EVC2: variants seen among roughly 807,000 people sequenced by gnomAD.
The protein encoded by EVC2 is limbin.
In EVC2, 148 loss-of-function variants were observed where a neutral mutation model predicts 149.3. The observed-to-expected ratio is 0.99, with a 90% CI of 0.87 to 1.14. The LOEUF is 1.14. Among genes scored for constraint, EVC2 ranks in the 50% most tolerant of loss-of-function variants. The pLI, the probability that EVC2 is intolerant of heterozygous loss-of-function variation, is 0.00. For missense variants in EVC2, 1,854 were observed against 1,627.3 expected (o/e 1.14, Z -2.40); for synonymous variants, 776 against 649.9 (o/e 1.19, Z -2.95).
downstream of EVC2, among the ~76,000 whole-genome samples, chr4:5,559,484 G>C (rs1026276244): frequency 2.6e-5 from 4 of 152,124 alleles, no homozygotes; most frequent in African/African-American, 9.7e-5. This position sits in a 1 kb window ranked among gnomAD's most constrained non-coding sequence, Gnocchi z 5.0. Flanking sequence ...CCAACAAAAG[G>C]AATCAGACTC....
At chr4:5,575,578 C>T (rs1722876726) in intron 18 of EVC2, among the ~76,000 whole-genome samples, 1 of 152,178 alleles carries the variant, frequency 6.6e-6, no homozygotes. Context: ...TTCCAATTAG[C>T]GTGTGCGTGT....
At chr4:5,599,718 TAATAA>T (rs140667264) in intron 16 of EVC2, among the ~76,000 whole-genome samples, 3,214 of 152,208 alleles carry the variant, frequency 0.021, 92 homozygotes, top group African/African-American at 0.074. Flanking sequence ...ACTTAAAGCA[TAATAA>T]AATAAAATAA....
intron 9 of EVC2, among the ~76,000 whole-genome samples, chr4:5,662,468 T>TAATATAATATTA (rs1465987340): frequency 1.4e-5 from 2 of 144,572 alleles, no homozygotes; most frequent in African/African-American, 5.1e-5. Context: ...TAATTATTAT[T>TAATATAATATTA]AATATAATAT....
intron 21 of EVC2, among the ~76,000 whole-genome samples, chr4:5,544,916 CTG>C (rs1560115817): frequency 2.6e-5 from 4 of 152,214 alleles, no homozygotes; most frequent in Admixed American, 6.5e-5. Flanking sequence ...CTCCTCACTC[CTG>C]TCTCTCCAGC....
At position 5,618,489 on chromosome 4, in the gene EVC2, G is replaced by A. The variant is rs770322843; in HGVS notation, c.2695C>T (p.Pro899Ser). The A allele has an allele frequency of 1.8e-5, 29 of 1,613,022 alleles. No individual in the cohort carries two copies. The highest frequency in any genetic ancestry group is 6.7e-5 in the Admixed American group (4 of 60,030). ...CAGGTCCATCCTACCTGCAGCTCAG[G>A]GGCAGCCACGGCCTGGTCCAGCTTC... ...FVKLDQAVAA[P>S]ELQQQSKVRK... Residue 899 changes from proline to serine, a missense_variant, in exon 15 of 22, where the codon CCT becomes TCT. By Grantham distance (74) the Pro-to-Ser change is moderately conservative. Transcript: ENST00000344408. This position sits in a 1 kb window ranked among gnomAD's most constrained non-coding sequence, Gnocchi z 4.4.
At chr4:5,639,040 GC>G (rs2108861217) in intron 10 of EVC2, among the ~76,000 whole-genome samples, 1 of 152,282 alleles carries the variant, frequency 6.6e-6, no homozygotes, top group Non-Finnish European at 1.5e-5. Context: ...GGCAAGGGAG[GC>G]CCCAGGAGCA....
rs1006561208 is a variant in EVC2 at position 5,614,870 on chromosome 4, G to C, written c.2829+552C>G. ...TGGGTGCCTGTAATCCCAGCTACTC[G>C]GAAGGGTGAGGCAGAAGAATCACTT... On this transcript the variant is annotated intron_variant, in intron 16 of 21. Transcript: ENST00000344408. This position sits in a 1 kb window ranked among gnomAD's most constrained non-coding sequence, Gnocchi z 4.7. 2.6e-5 allele frequency among the ~76,000 whole-genome samples: 4 copies of C among 152,042 alleles called. No individual in the cohort carries two copies. The highest frequency in any genetic ancestry group is 5.9e-5 in the Non-Finnish European group (4 of 68,020).
At position 5,643,616 on chromosome 4, in the gene EVC2, T is replaced by C. The variant is rs1034643042; in HGVS notation, c.1146-2778A>G. Among the ~76,000 whole-genome samples, 4 of 152,228 alleles carry C rather than the reference T, an allele frequency of 2.6e-5. No individual in the cohort carries two copies. In the South Asian group the frequency reaches 8.3e-4, roughly 32 times the overall value. Reference sequence around the variant, plus strand: ...AGTGCGACTACCTACACTGTCATTATTACATATAAAATATTTAAAACAGGC... The same window carrying C: ...AGTGCGACTACCTACACTGTCATTACTACATATAAAATATTTAAAACAGGC... On this transcript the variant is annotated intron_variant, in intron 9 of 21. Transcript: ENST00000344408.
rs1715093644 is a variant in EVC2 at position 5,614,571 on chromosome 4, C to T, written c.2829+851G>A. On this transcript the variant is annotated intron_variant, in intron 16 of 21. Coordinates refer to ENST00000344408, the MANE Select transcript of EVC2 (RefSeq NM_147127.5). This position sits in a 1 kb window ranked among gnomAD's most constrained non-coding sequence, Gnocchi z 4.7. The stretch of plus-strand genomic sequence containing the variant: ...AGGGAACACCTCAGGACAGCAAGGA[C>T]ACAAGTTATTTATCCAGGTAAATAG... Among the ~76,000 whole-genome samples, 1 of 152,162 alleles carries T rather than the reference C, an allele frequency of 6.6e-6. No homozygotes were observed. Among genetic ancestry groups the T allele is most frequent in the South Asian group, 2.1e-4 (1 of 4,816 alleles).
chr4:5,663,212 G>A lies in EVC2; in HGVS notation c.1040C>T (p.Pro347Leu), dbSNP rs199708349. 1,125 of 1,614,118 alleles carry A rather than the reference G, an allele frequency of 7.0e-4. 21 individuals are homozygous for A. In the South Asian group the frequency reaches 0.011, roughly 16 times the overall value. ...WQYESKLEPL[P>L]FTSADGVNED... is the part of the protein sequence containing the mutation. ...ATTCACGCCATCAGCTGAGGTGAAC[G>A]GCAAGGGTTCCAGCTTGCTCTCATA... The change falls in exon 9 of 22, where the codon CCG becomes CTG. Residue 347 changes from proline (P) to leucine (L), a missense_variant. Pro to Leu is a moderately conservative substitution (Grantham distance 98). Transcript: ENST00000344408.
At chr4:5,541,316 G>C (rs912109050), downstream of EVC2, among the ~76,000 whole-genome samples, 1 of 152,052 alleles carries the variant, frequency 6.6e-6, no homozygotes, top group Non-Finnish European at 1.5e-5. Flanking sequence ...ACAGTCCAGC[G>C]CCAGGCTGCA....
chr4:5,640,508 T>C lies in EVC2; in HGVS notation c.1470+6A>G, dbSNP rs1181688094. ...AGTGAACGCCTTCCTTTCAGACCTG[T>C]CTTACCCTCTCACCAGCACGTTTCA... On this transcript the variant is annotated splice_donor_region_variant and intron_variant, in intron 10 of 21. Coordinates refer to ENST00000344408, the MANE Select transcript of EVC2 (RefSeq NM_147127.5). The surrounding 1 kb of genome is among the most constrained non-coding windows in gnomAD (Gnocchi z 4.6). 7 of 1,614,058 alleles carry C rather than the reference T, an allele frequency of 4.3e-6. No homozygotes were observed. Among genetic ancestry groups the C allele is most frequent in the Non-Finnish European group, 2.5e-6 (3 of 1,179,986 alleles).
At chr4:5,628,278 G>C (rs1409040971) in intron 12 of EVC2, among the ~76,000 whole-genome samples, 1 of 151,814 alleles carries the variant, frequency 6.6e-6, no homozygotes, top group Non-Finnish European at 1.5e-5. Context: ...GGTCATGAGG[G>C]ATCCACCCTC....
Position 5,689,344 on chromosome 4 carries a change from C to T in EVC2, c.520-1G>A. 1 of 1,614,026 alleles carries T rather than the reference C, an allele frequency of 6.2e-7. No individual in the cohort carries two copies. Among genetic ancestry groups the T allele is most frequent in the Non-Finnish European group, 8.5e-7 (1 of 1,180,022 alleles). On this transcript the variant is annotated splice_acceptor_variant, in intron 4 of 21. Transcript: ENST00000344408. LOFTEE classifies it high-confidence loss of function. ...TCTGTGCTTCACTCGACCCAGACACCTAGGGCAGAAGGAGAAGGCATGAGG... is the reference window on the plus strand; with the variant it reads ...TCTGTGCTTCACTCGACCCAGACACTTAGGGCAGAAGGAGAAGGCATGAGG...
At chr4:5,623,184 G>A (rs1283762171) in intron 13 of EVC2, among the ~76,000 whole-genome samples, 193 bp from the exon 14 acceptor site, 1 of 152,174 alleles carries the variant, frequency 6.6e-6, no homozygotes, top group Non-Finnish European at 1.5e-5. Flanking sequence ...TGCCCAGGCT[G>A]GAGTGCAATG....
At chr4:5,630,374 G>A (rs544878538) in intron 11 of EVC2, among the ~76,000 whole-genome samples, 2 of 152,138 alleles carry the variant, frequency 1.3e-5, no homozygotes, top group African/African-American at 2.4e-5. Flanking sequence ...AGGGAAGGCC[G>A]CCTGTGCCCG....
At chr4:5,579,653 C>A (rs1031073640) in intron 17 of EVC2, among the ~76,000 whole-genome samples, 2 of 152,110 alleles carry the variant, frequency 1.3e-5, no homozygotes, top group Non-Finnish European at 2.9e-5. Flanking sequence ...ACCAGCCTGG[C>A]CAACATGGTG....
intron 9 of EVC2, among the ~76,000 whole-genome samples, chr4:5,654,986 G>A (rs115117743): frequency 0.018 from 2,814 of 152,202 alleles, 73 homozygotes; most frequent in Non-Finnish European, 0.018. Flanking sequence ...CTTCCTCCCC[G>A]GCACCCAGCC....
At chr4:5,631,184 T>C (rs1716502892) in intron 11 of EVC2, among the ~76,000 whole-genome samples, 1 of 152,206 alleles carries the variant, frequency 6.6e-6, no homozygotes, top group African/African-American at 2.4e-5. Flanking sequence ...CAGGCACAGA[T>C]ACTAAACCCT....
Sources: allele counts gnomAD v4.1 joint callset (sites outside exome capture counted in the v4.1 genomes callset), GRCh38; gene constraint gnomAD v4.1.1; non-coding constraint Gnocchi (gnomAD v3.1); transcripts MANE v1.5; gene names NCBI Gene and HGNC (gene_info 2026-07-23, HGNC 2026-07-21).